BMP1: variants seen among roughly 807,000 people sequenced by gnomAD.
BMP1 encodes mammalian tolloid protein.
A neutral mutation model predicts 116.8 loss-of-function variants in BMP1; 63 were observed. The observed-to-expected ratio is 0.54, with a 90% CI of 0.44 to 0.67. BMP1 has a LOEUF of 0.67. Among genes scored for constraint, BMP1 ranks in the 30% least tolerant of loss-of-function variants. BMP1 has a pLI of 0.00. For synonymous variants in BMP1, 536 were observed against 533.4 expected, an observed-to-expected ratio of 1.00 and a Z score of -0.07; for missense variants, 1,183 against 1,358.9, an observed-to-expected ratio of 0.87 and a Z score of 2.04.
At chr8:22,202,717 A>G (rs1482659433) in intron 16 of BMP1, among the ~76,000 whole-genome samples, 1 of 152,244 alleles carries the variant, frequency 6.6e-6, no homozygotes, top group Admixed American at 6.5e-5. Context: ...AACTAGAAAT[A>G]AAGTAAAATA....
At chr8:22,189,461 C>CACACACACACACAT (rs761868301) in intron 8 of BMP1, among the ~76,000 whole-genome samples, 19 of 148,418 alleles carry the variant, frequency 1.3e-4, no homozygotes, top group Admixed American at 4.1e-4. Context: ...CACACACACA[C>CACACACACACACAT]ATATCTTATA....
intron 8 of BMP1, among the ~76,000 whole-genome samples, chr8:22,191,569 C>A (rs186403527): frequency 7.2e-5 from 11 of 152,312 alleles, no homozygotes; most frequent in African/African-American, 2.2e-4. Context: ...TACCATTGCA[C>A]TCCAGCCTGG....
In BMP1 at chr8:22,176,234, CCGGCGGG is replaced by C; in HGVS notation, c.360_366del (p.Ala121ArgfsTer33). 1 of 1,613,926 alleles carries C rather than the reference CCGGCGGG, an allele frequency of 6.2e-7. No homozygotes were observed. Among genetic ancestry groups the C allele is most frequent in the Non-Finnish European group, 8.5e-7 (1 of 1,179,952 alleles). ...GGAGATGGAGAGGTAGATCCCGTAG[CCGGCGGG>C]CGGCGACGTCCCGACCAGAGCGTGT... On this transcript the variant is annotated frameshift_variant, in exon 3 of 20. Transcript: ENST00000306385. LOFTEE classifies it high-confidence loss of function.
intron 15 of BMP1, chr8:22,199,111 C>T: frequency 7.3e-7 from 1 of 1,367,644 alleles, no homozygotes; most frequent in Non-Finnish European, 9.8e-7. Context: ...TGTGCCCGCC[C>T]CACCCTCAGC....
intron 18 of BMP1, among the ~76,000 whole-genome samples, 168 bp downstream of exon 18, chr8:22,207,684 C>T (rs1829389758): frequency 6.6e-6 from 1 of 151,934 alleles, no homozygotes; most frequent in Non-Finnish European, 1.5e-5. Flanking sequence ...GCCTGGGGGG[C>T]AGGGATAGGA....
At chr8:22,206,501 CAAAA>C (rs759348690) in intron 16 of BMP1, among the ~76,000 whole-genome samples, 7 of 107,048 alleles carry the variant, frequency 6.5e-5, no homozygotes, top group African/African-American at 1.7e-4. Flanking sequence ...GACTCCATCT[CAAAA>C]AAAAAAAAAA....
At chr8:22,190,204 AGT>A (rs1828891660) in intron 8 of BMP1, among the ~76,000 whole-genome samples, 1 of 152,208 alleles carries the variant, frequency 6.6e-6, no homozygotes, top group Non-Finnish European at 1.5e-5. Flanking sequence ...GGATTACAGG[AGT>A]GAACTACCGC....
intron 1 of BMP1, among the ~76,000 whole-genome samples, chr8:22,168,522 T>C (rs1828181806): frequency 6.6e-6 from 1 of 152,112 alleles, no homozygotes; most frequent in South Asian, 2.1e-4. Flanking sequence ...CCTGTGCCAG[T>C]GAGGCCCCTG....
At chr8:22,195,951 T>C (rs1829072533) in intron 13 of BMP1, among the ~76,000 whole-genome samples, 1 of 152,108 alleles carries the variant, frequency 6.6e-6, no homozygotes, top group Non-Finnish European at 1.5e-5. Context: ...CAAGATTTCT[T>C]ATGCCCTTGG....
intron 8 of BMP1, among the ~76,000 whole-genome samples, chr8:22,188,357 A>G (rs1352053473): frequency 3.9e-5 from 6 of 151,966 alleles, no homozygotes; most frequent in Non-Finnish European, 7.4e-5. Flanking sequence ...TTTTGTAGAG[A>G]TGGGGTCTCA....
Position 22,196,928 on chromosome 8 carries a change from G to C in BMP1, c.1926+88G>C, listed in dbSNP as rs73225864. The C allele has an allele frequency of 1.4e-5, 21 of 1,448,822 alleles. No individual in the cohort carries two copies. In the African/African-American group the frequency reaches 2.8e-4, roughly 20 times the overall value. The allele number at this position is 1,448,822 out of a possible 1,614,324, so 89.7% of individuals were successfully genotyped here. On this transcript the variant is annotated intron_variant, in intron 14 of 19. Transcript: ENST00000306385. ...TGCCTGCTTCCTGTCCTCTGAGAGG[G>C]GGCCCGGCAGAAACACTCTGCAAAT...
intron 16 of BMP1, among the ~76,000 whole-genome samples, chr8:22,206,094 C>T (rs1007489320): frequency 9.2e-5 from 14 of 152,166 alleles, no homozygotes; most frequent in Non-Finnish European, 1.8e-4. Flanking sequence ...CAGCCGGGTG[C>T]AGTGGCTCAC....
chr8:22,188,084 A>G (rs551429788), intron 8 of BMP1, among the ~76,000 whole-genome samples: 59 of 151,488 alleles, frequency 3.9e-4, no homozygotes, highest in African/African-American at 1.4e-3. Context: ...AGTATTTCCT[A>G]TATTCGGGGT....
chr8:22,198,190 A>G (rs1043168816), intron 15 of BMP1, among the ~76,000 whole-genome samples: 1 of 152,196 alleles, frequency 6.6e-6, no homozygotes, highest in Non-Finnish European at 1.5e-5. Flanking sequence ...AAAAGGAGAA[A>G]GATGAGTCAC....
At chr8:22,196,389 TC>T in intron 13 of BMP1, 1 of 584,192 alleles carries the variant, frequency 1.7e-6, no homozygotes, top group South Asian at 1.8e-5. Flanking sequence ...AGCCCCTTAT[TC>T]CCGCTCACTC....
At chr8:22,182,055 C>T (rs1052327366) in intron 8 of BMP1, among the ~76,000 whole-genome samples, 24 of 152,172 alleles carry the variant, frequency 1.6e-4, no homozygotes, top group Non-Finnish European at 5.9e-5. Context: ...CGCACCAACC[C>T]CAGACCTTCT....
At chr8:22,201,499 G>T in intron 15 of BMP1, 1 of 1,400,562 alleles carries the variant, frequency 7.1e-7, no homozygotes, top group Non-Finnish European at 9.2e-7. Context: ...TTGTCCATGT[G>T]TCTATTTTTC....
intron 15 of BMP1, among the ~76,000 whole-genome samples, chr8:22,198,224 T>C (rs1334632639): frequency 1.3e-5 from 2 of 152,184 alleles, no homozygotes; most frequent in Non-Finnish European, 2.9e-5. Context: ...TACCAAAGCC[T>C]TGGGGCTCCC....
intron 8 of BMP1, among the ~76,000 whole-genome samples, chr8:22,187,497 ATTTTTTTTT>A (rs768807192): frequency 4.8e-5 from 5 of 104,458 alleles, no homozygotes; most frequent in East Asian, 2.6e-4. Context: ...CGCCCGGCTA[ATTTTTTTTT>A]TTTTTTTTTT....
Sources: gnomAD v4.1 joint callset for allele counts (sites outside exome capture counted in the v4.1 genomes callset) on GRCh38, gnomAD v4.1.1 for gene constraint, MANE v1.5 for transcripts, NCBI Gene and HGNC (gene_info 2026-07-23, HGNC 2026-07-21) for gene names.